GPR39: variants seen among roughly 807,000 people sequenced by gnomAD.
GPR39 encodes the protein zinc sensing receptor.
A neutral mutation model predicts 18.4 loss-of-function variants in GPR39; 23 were observed. That is an observed-to-expected ratio of 1.25 (90% CI 0.90 to 1.77). The LOEUF (loss-of-function observed/expected upper bound fraction) is 1.77, where lower values mean the gene tolerates loss of function less well. GPR39 is among the 40% of genes most tolerant of loss of function. GPR39 has a pLI of 0.00. For synonymous variants in GPR39, 280 were observed against 257.9 expected, an observed-to-expected ratio of 1.09 and a Z score of -0.82; for missense variants, 647 against 602.4, an observed-to-expected ratio of 1.07 and a Z score of -0.78.
At position 132,646,287 on chromosome 2, in the gene GPR39, C is replaced by T. The variant is rs754397636; in HGVS notation, c.*681C>T. The T allele has an allele frequency of 5.4e-6, 8 of 1,478,468 alleles. No homozygotes were observed. Among genetic ancestry groups the T allele is most frequent in the South Asian group, 1.4e-5 (1 of 69,414 alleles). The allele number at this position is 1,478,468 out of a possible 1,614,324, so 91.6% of individuals were successfully genotyped here. A position where few individuals can be genotyped will look rare whatever the true frequency, so the allele number is the denominator to read the frequency against. On this transcript the variant is annotated 3_prime_UTR_variant, in exon 2 of 2. Coordinates refer to ENST00000329321, the MANE Select transcript of GPR39 (RefSeq NM_001508.3). ...GACTTGCGGTACATGATCCCTGTAA[C>T]ACAGACCCAAAGGAGCTGAGTTAAC...
chr2:132,483,259 A>G (rs950807358), intron 1 of GPR39, among the ~76,000 whole-genome samples: 29 of 152,318 alleles, frequency 1.9e-4, no homozygotes, highest in African/African-American at 6.7e-4. Context: ...AGCGATCAGC[A>G]CTGAATGTTT....
intron 1 of GPR39, among the ~76,000 whole-genome samples, chr2:132,640,574 A>G (rs960225718): frequency 5.3e-5 from 8 of 152,240 alleles, no homozygotes; most frequent in Non-Finnish European, 1.5e-5. Context: ...TCAAGTTCAC[A>G]CTAAAGTTAT....
At chr2:132,564,517 C>A (rs1023851086) in intron 1 of GPR39, among the ~76,000 whole-genome samples, 1 of 152,134 alleles carries the variant, frequency 6.6e-6, no homozygotes, top group Non-Finnish European at 1.5e-5. Flanking sequence ...CGCACTGCCC[C>A]GAGTAGGTAA....
intron 1 of GPR39, among the ~76,000 whole-genome samples, chr2:132,459,601 C>T (rs1284882750): frequency 1.3e-5 from 2 of 152,182 alleles, no homozygotes; most frequent in Non-Finnish European, 2.9e-5. Flanking sequence ...GGCAGAAACA[C>T]TCTGTATCCT....
intron 1 of GPR39, among the ~76,000 whole-genome samples, chr2:132,535,695 C>CTTTTTTTTT (rs753801511): frequency 1.0e-5 from 1 of 96,538 alleles, no homozygotes; most frequent in Non-Finnish European, 2.0e-5. Flanking sequence ...TGGTCCTGGG[C>CTTTTTTTTT]TTTTTTTTTT....
intron 1 of GPR39, among the ~76,000 whole-genome samples, chr2:132,470,434 T>G (rs529434408): frequency 6.6e-6 from 1 of 152,140 alleles, no homozygotes; most frequent in South Asian, 2.1e-4. Flanking sequence ...CATGGTGGTG[T>G]TGGCACTTCC....
At chr2:132,577,204 A>G (rs1158681936) in intron 1 of GPR39, among the ~76,000 whole-genome samples, 1 of 152,042 alleles carries the variant, frequency 6.6e-6, no homozygotes, top group East Asian at 1.9e-4. Flanking sequence ...AAAAAATACA[A>G]AAATTAACCA....
At chr2:132,594,401 A>G (rs1398114388) in intron 1 of GPR39, among the ~76,000 whole-genome samples, 1 of 151,874 alleles carries the variant, frequency 6.6e-6, no homozygotes, top group Non-Finnish European at 1.5e-5. Context: ...TCCTCAATAG[A>G]TAGTAAAATT....
At chr2:132,561,053 A>G (rs1252364383) in intron 1 of GPR39, among the ~76,000 whole-genome samples, 4 of 151,446 alleles carry the variant, frequency 2.6e-5, no homozygotes, top group African/African-American at 9.7e-5. Flanking sequence ...AGCTGGGACT[A>G]CAGGAACGTG....
chr2:132,547,736 T>G (rs1368279551), intron 1 of GPR39, among the ~76,000 whole-genome samples: 2 of 152,186 alleles, frequency 1.3e-5, no homozygotes, highest in African/African-American at 4.8e-5. Context: ...GTAACTTATT[T>G]GCTGATCCAT....
chr2:132,553,431 C>CAT lies in GPR39; in HGVS notation c.857-91658_857-91657dup, dbSNP rs905808685. Among the ~76,000 whole-genome samples, 172 of 148,990 alleles carry CAT rather than the reference C, an allele frequency of 1.2e-3. 1 individual carries two copies. Among genetic ancestry groups the CAT allele is most frequent in the African/African-American group, 3.6e-3 (146 of 40,508 alleles). ...ATATATGTACACACACAAATATATACATATATATATATACCATTAGATGTA... is the reference window on the plus strand; with the variant it reads ...ATATATGTACACACACAAATATATACATATATATATATATACCATTAGATGTA... On this transcript the variant is annotated intron_variant, in intron 1 of 1. Coordinates refer to ENST00000329321, the MANE Select transcript of GPR39 (RefSeq NM_001508.3).
At chr2:132,548,589 A>G (rs1338514972) in intron 1 of GPR39, among the ~76,000 whole-genome samples, 1 of 152,118 alleles carries the variant, frequency 6.6e-6, no homozygotes. Flanking sequence ...AGCAAATGTA[A>G]TTTTTCTCAT....
chr2:132,588,030 A>G (rs1680762220), intron 1 of GPR39, among the ~76,000 whole-genome samples: 1 of 152,140 alleles, frequency 6.6e-6, no homozygotes, highest in African/African-American at 2.4e-5. Flanking sequence ...TATGGGTATA[A>G]CTCATGGAGT....
chr2:132,422,939 T>C (rs1680042311), intron 1 of GPR39, among the ~76,000 whole-genome samples: 2 of 151,980 alleles, frequency 1.3e-5, no homozygotes, highest in South Asian at 4.2e-4. Context: ...AAGAGAGGCC[T>C]CAGTTGCACA....
At chr2:132,554,174 G>A (rs1036353049) in intron 1 of GPR39, among the ~76,000 whole-genome samples, 8 of 152,174 alleles carry the variant, frequency 5.3e-5, no homozygotes, top group African/African-American at 1.9e-4. Context: ...GGAAAACTGG[G>A]AGCCGTGGTG....
chr2:132,422,082 T>C (rs1680021216), intron 1 of GPR39, among the ~76,000 whole-genome samples: 5 of 152,358 alleles, frequency 3.3e-5, no homozygotes, highest in Non-Finnish European at 7.3e-5. Flanking sequence ...ATGAATCCAA[T>C]GTGGCTTGAG....
rs111361286 is a variant in GPR39, at chr2:132,527,033, A to G, written c.856+109135A>G. On this transcript the variant is annotated intron_variant, in intron 1 of 1. Coordinates refer to ENST00000329321, the MANE Select transcript of GPR39 (RefSeq NM_001508.3). ...TGTGCCATGGTGGTTTGCTGCATCT[A>G]TCAACCCGTCATCTAGGTTTTAAGC... 5.8e-4 allele frequency among the ~76,000 whole-genome samples: 88 copies of G among 152,246 alleles called. 1 individual carries two copies. Among genetic ancestry groups the G allele is most frequent in the African/African-American group, 2.1e-3 (86 of 41,540 alleles).
At chr2:132,447,670 A>AT (rs754101897) in intron 1 of GPR39, among the ~76,000 whole-genome samples, 18 of 151,902 alleles carry the variant, frequency 1.2e-4, no homozygotes, top group South Asian at 6.2e-4. Context: ...TTCCAAAAAT[A>AT]TTTGTTTTTT....
At chr2:132,546,799 T>C (rs576553966) in intron 1 of GPR39, among the ~76,000 whole-genome samples, 1 of 140,886 alleles carries the variant, frequency 7.1e-6, no homozygotes, top group Admixed American at 7.5e-5. Flanking sequence ...TGTGGTGGCA[T>C]TTGAGAGCTG....
Sources: gnomAD v4.1 joint callset for allele counts (sites outside exome capture counted in the v4.1 genomes callset) on GRCh38, gnomAD v4.1.1 for gene constraint, MANE v1.5 for transcripts, NCBI Gene and HGNC (gene_info 2026-07-23, HGNC 2026-07-21) for gene names.